WWOX: variants seen among roughly 807,000 people sequenced by gnomAD.
WWOX encodes the protein WW domain-containing oxidoreductase.
Under a neutral mutation model 46.2 loss-of-function variants are expected in WWOX, and 69 were observed. That is an observed-to-expected ratio of 1.49 (90% CI 1.23 to 1.82). WWOX has a LOEUF of 1.82. WWOX is among the 40% of genes most tolerant of loss of function. The probability of loss-of-function intolerance (pLI) is 0.00; values close to 1 mark genes in which losing one functional copy is unlikely to be tolerated. For synonymous variants in WWOX, 359 were observed against 202.6 expected, an observed-to-expected ratio of 1.77 and a Z score of -6.56; for missense variants, 919 against 542.6, an observed-to-expected ratio of 1.69 and a Z score of -6.89.
At position 78,530,491 on chromosome 16, in the gene WWOX, G is replaced by A. The variant is rs546155067; in HGVS notation, c.1056+97739G>A. On this transcript the variant is annotated intron_variant, in intron 8 of 8. Transcript: ENST00000566780. ...CAAGCTGTTCTTCTGAAGTCCAGCCGCTTCTCTCCAACTGTGGTCTCTAAT... is the reference window on the plus strand; with the variant it reads ...CAAGCTGTTCTTCTGAAGTCCAGCCACTTCTCTCCAACTGTGGTCTCTAAT... 3.9e-5 allele frequency among the ~76,000 whole-genome samples: 6 copies of A among 152,246 alleles called. No individual in the cohort carries two copies. The South Asian group carries it at 8.3e-4, about 21-fold the overall frequency.
chr16:78,663,326 C>T (rs2047259694), intron 8 of WWOX, among the ~76,000 whole-genome samples: 1 of 152,136 alleles, frequency 6.6e-6, no homozygotes, highest in African/African-American at 2.4e-5. Context: ...TATGTTGGTG[C>T]AATCACTTTT....
chr16:79,092,015 G>A (rs2048972356), intron 8 of WWOX, among the ~76,000 whole-genome samples: 2 of 151,868 alleles, frequency 1.3e-5, no homozygotes, highest in African/African-American at 4.8e-5. Flanking sequence ...TCTTGACCTC[G>A]TGATCTTTTC....
chr16:79,183,804 T>G (rs367551205), intron 8 of WWOX, among the ~76,000 whole-genome samples: 1 of 152,222 alleles, frequency 6.6e-6, no homozygotes, highest in African/African-American at 2.4e-5. Context: ...AGCTGGAATT[T>G]GAACCAAAGG....
At chr16:79,131,572 A>T (rs2049879301) in intron 8 of WWOX, among the ~76,000 whole-genome samples, 1 of 152,164 alleles carries the variant, frequency 6.6e-6, no homozygotes, top group African/African-American at 2.4e-5. Context: ...TCAACTCTTG[A>T]ATGATGGTGT....
chr16:78,621,649 G>A (rs188096547), intron 8 of WWOX, among the ~76,000 whole-genome samples: 3,215 of 95,686 alleles, frequency 0.034, 170 homozygotes, highest in African/African-American at 0.12. Context: ...CTGTTGTCTA[G>A]GCTGGAGTGC....
intron 6 of WWOX, among the ~76,000 whole-genome samples, chr16:78,393,370 G>A (rs910839108): frequency 6.6e-6 from 1 of 152,126 alleles, no homozygotes; most frequent in Admixed American, 6.5e-5. Flanking sequence ...TCAAAAAATG[G>A]TTTATGGCTG....
At chr16:78,670,083 G>T (rs978302369) in intron 8 of WWOX, among the ~76,000 whole-genome samples, 5 of 152,012 alleles carry the variant, frequency 3.3e-5, no homozygotes, top group African/African-American at 9.7e-5. Context: ...TCCTGTTCCC[G>T]GCCGCCCCCG....
intron 5 of WWOX, among the ~76,000 whole-genome samples, chr16:78,208,703 A>C (rs1229335306): frequency 6.6e-6 from 1 of 152,234 alleles, no homozygotes; most frequent in Non-Finnish European, 1.5e-5. Flanking sequence ...AATAGAAAGA[A>C]ATATAGTTTG....
chr16:78,304,828 C>T (rs936429068), intron 5 of WWOX, among the ~76,000 whole-genome samples: 23 of 152,140 alleles, frequency 1.5e-4, no homozygotes, highest in Middle Eastern at 3.2e-3. Context: ...TACAATATGG[C>T]CAACTTTCTC....
chr16:79,027,531 T>C (rs972137786), intron 8 of WWOX, among the ~76,000 whole-genome samples: 1 of 151,806 alleles, frequency 6.6e-6, no homozygotes, highest in African/African-American at 2.4e-5. Flanking sequence ...GAATGTCCAA[T>C]TCCCCGTTCT....
At chr16:78,312,682 G>T (rs1445176488) in intron 5 of WWOX, among the ~76,000 whole-genome samples, 1 of 151,152 alleles carries the variant, frequency 6.6e-6, no homozygotes, top group Non-Finnish European at 1.5e-5. Flanking sequence ...GCTGGTTGTA[G>T]GCCTAATTCT....
intron 8 of WWOX, among the ~76,000 whole-genome samples, chr16:78,805,585 C>T (rs1230042565): frequency 6.6e-6 from 1 of 152,134 alleles, no homozygotes; most frequent in Non-Finnish European, 1.5e-5. Context: ...TCCCGGCCTA[C>T]AGCATAGATT....
chr16:79,093,793 C>G (rs1283149703), intron 8 of WWOX, among the ~76,000 whole-genome samples: 3 of 152,202 alleles, frequency 2.0e-5, no homozygotes, highest in East Asian at 1.9e-4. Flanking sequence ...CTTGCTTCCC[C>G]TCCCCCTGCC....
intron 8 of WWOX, among the ~76,000 whole-genome samples, chr16:79,120,336 C>G (rs563385231): frequency 6.6e-6 from 1 of 152,162 alleles, no homozygotes; most frequent in Admixed American, 6.5e-5. Context: ...CGCATTTACC[C>G]TACAGAGCTG....
In WWOX at chr16:78,937,448, CT is replaced by C. The variant is rs537642648; in HGVS notation, c.1057-274134del. On this transcript the variant is annotated intron_variant, in intron 8 of 8. Coordinates refer to ENST00000566780, the MANE Select transcript of WWOX (RefSeq NM_016373.4). ...TTAGAGAACTTTGTATTTGTATTAA[CT>C]TTTTTTTTTTTTTTTTTTTTTTTTT... 4.2e-3 allele frequency among the ~76,000 whole-genome samples: 342 copies of C among 81,970 alleles called. 6 individuals are homozygous for C. Among genetic ancestry groups the C allele is most frequent in the African/African-American group, 0.013 (252 of 19,104 alleles). The allele number at this position is 81,970 out of a possible 152,430, so 53.8% of individuals were successfully genotyped here.
intron 8 of WWOX, among the ~76,000 whole-genome samples, chr16:79,164,313 C>T (rs144283167): frequency 6.6e-6 from 1 of 152,154 alleles, no homozygotes; most frequent in Admixed American, 6.5e-5. Context: ...TGCTGGTTAA[C>T]CAGTTAAAAC....
intron 8 of WWOX, among the ~76,000 whole-genome samples, chr16:78,888,713 A>G (rs1321495121): frequency 6.6e-6 from 1 of 152,182 alleles, no homozygotes; most frequent in Non-Finnish European, 1.5e-5. Flanking sequence ...GCTCATCTCT[A>G]GACACAGACT....
intron 5 of WWOX, among the ~76,000 whole-genome samples, chr16:78,326,570 T>TCCCCCCCCCCC (rs1287342811): frequency 8.0e-4 from 8 of 10,022 alleles, no homozygotes; most frequent in Non-Finnish European, 1.2e-3. Flanking sequence ...CTGCCTGCCC[T>TCCCCCCCCCCC]CCCCCCGCCC....
chr16:78,449,327 A>G (rs962045076), intron 8 of WWOX, among the ~76,000 whole-genome samples: 3 of 152,150 alleles, frequency 2.0e-5, no homozygotes, highest in African/African-American at 7.2e-5. Flanking sequence ...TGCTTTTGCC[A>G]TATTCTTTTT....
Sources: allele counts gnomAD v4.1 joint callset (sites outside exome capture counted in the v4.1 genomes callset), GRCh38; gene constraint gnomAD v4.1.1; transcripts MANE v1.5; gene names NCBI Gene and HGNC (gene_info 2026-07-23, HGNC 2026-07-21).